Variants in CTDSPL observed in about 807,000 individuals in gnomAD.
CTDSPL encodes CTD small phosphatase-like protein.
CTDSPL carries 8 observed loss-of-function variants against 30.5 expected under a neutral mutation model. The observed-to-expected ratio is 0.26, with a 90% confidence interval of 0.15 to 0.47. The LOEUF is 0.47. CTDSPL is among the 20% of genes least tolerant of loss of function. The probability of loss-of-function intolerance (pLI) is 0.99; values close to 1 mark genes in which losing one functional copy is unlikely to be tolerated. For synonymous variants in CTDSPL, 110 were observed against 137.9 expected (o/e 0.80, Z 1.42); for missense variants, 248 against 366.1 (o/e 0.68, Z 2.63).
At chr3:37,949,225 A>C (rs1699080749) in intron 2 of CTDSPL, among the ~76,000 whole-genome samples, 7 of 152,228 alleles carry the variant, frequency 4.6e-5, no homozygotes, top group Admixed American at 4.6e-4. Flanking sequence ...TGCTGGTAAC[A>C]ATGTTAATTG....
At position 37,982,991 on chromosome 3, in the gene CTDSPL, T is replaced by A. The variant is rs2125638360; in HGVS notation, c.*2124T>A. ...AAGAGGATGGAAATCATAAAATATT[T>A]CATGGGAATCGAACCTAGGGATAGT... is the stretch of plus-strand genomic sequence containing the variant. On this transcript the variant is annotated 3_prime_UTR_variant, in exon 8 of 8. Transcript: ENST00000273179. 1 of 215,350 alleles carries A rather than the reference T, an allele frequency of 4.6e-6. No homozygotes were observed. The highest frequency in any genetic ancestry group is 6.1e-5 in the South Asian group (1 of 16,434). The allele number at this position is 215,350 out of a possible 1,614,324, so 13.3% of individuals were successfully genotyped here.
At chr3:37,979,711 A>G (rs1169853090) in intron 7 of CTDSPL, among the ~76,000 whole-genome samples, 1 of 152,200 alleles carries the variant, frequency 6.6e-6, no homozygotes, top group East Asian at 1.9e-4. Context: ...CTACAGAGCT[A>G]TGATTGCCAC....
At chr3:37,863,847 A>G (rs568877992) in intron 1 of CTDSPL, among the ~76,000 whole-genome samples, 1 of 152,318 alleles carries the variant, frequency 6.6e-6, no homozygotes, top group South Asian at 2.1e-4. Context: ...CAAACATTGT[A>G]TGTGTCTGCA....
intron 1 of CTDSPL, among the ~76,000 whole-genome samples, chr3:37,867,201 G>T (rs1229383903): frequency 6.6e-6 from 1 of 152,008 alleles, no homozygotes. Flanking sequence ...TATCTAAATG[G>T]AATCAAACAG....
intron 1 of CTDSPL, among the ~76,000 whole-genome samples, chr3:37,867,610 C>T (rs1394236157): frequency 6.6e-6 from 1 of 152,208 alleles, no homozygotes; most frequent in Non-Finnish European, 1.5e-5. Context: ...TCTGCATCCT[C>T]ACCAGCATTT....
At chr3:37,917,784 G>A (rs746980420) in intron 1 of CTDSPL, among the ~76,000 whole-genome samples, 7 of 152,202 alleles carry the variant, frequency 4.6e-5, no homozygotes, top group South Asian at 4.2e-4. Context: ...CAGGCACTGC[G>A]GATATGAGCA....
chr3:37,980,889 C>G lies in CTDSPL; in HGVS notation c.*22C>G. ...GTAGCCCTGGCCTCTGCCTGCCTCC[C>G]GCCTGTGCACTCTGGAACCTCTGGC... is the stretch of plus-strand genomic sequence containing the variant. On this transcript the variant is annotated 3_prime_UTR_variant, in exon 8 of 8. Coordinates refer to ENST00000273179, the MANE Select transcript of CTDSPL (RefSeq NM_001008392.2). The G allele has an allele frequency of 6.2e-7, 1 of 1,609,798 alleles. No homozygotes were observed. Among genetic ancestry groups the G allele is most frequent in the Admixed American group, 1.7e-5 (1 of 59,796 alleles).
intron 1 of CTDSPL, among the ~76,000 whole-genome samples, chr3:37,879,192 G>A (rs75429713): frequency 1.3e-3 from 203 of 152,362 alleles, no homozygotes; most frequent in Non-Finnish European, 2.0e-3. Flanking sequence ...CATTCAGGAA[G>A]TATAACCCAG....
At chr3:37,970,549 A>G (rs1211900731) in intron 5 of CTDSPL, among the ~76,000 whole-genome samples, 1 of 152,002 alleles carries the variant, frequency 6.6e-6, no homozygotes, top group African/African-American at 2.4e-5. Context: ...CCCTCCTCCC[A>G]CTTCCTCTGT....
At chr3:37,891,280 T>C (rs1282671624) in intron 1 of CTDSPL, among the ~76,000 whole-genome samples, 1 of 152,170 alleles carries the variant, frequency 6.6e-6, no homozygotes, top group East Asian at 1.9e-4. Context: ...GATTAATCCA[T>C]GTCTGGGCTC....
At chr3:37,935,881 G>A (rs1285867588) in intron 1 of CTDSPL, among the ~76,000 whole-genome samples, 3 of 152,206 alleles carry the variant, frequency 2.0e-5, no homozygotes, top group Admixed American at 1.3e-4. Flanking sequence ...GAGTCAGGTT[G>A]TTCTGGCTTT....
At chr3:37,910,338 G>A (rs1481194238) in intron 1 of CTDSPL, among the ~76,000 whole-genome samples, 2 of 151,984 alleles carry the variant, frequency 1.3e-5, no homozygotes, top group Non-Finnish European at 2.9e-5. Flanking sequence ...AAAATCAGCC[G>A]GGCATGGTAG....
rs985715204 is a variant in CTDSPL, at chr3:37,971,430, T to C, written c.450T>C (p.His150=). The part of the protein sequence containing the change: ...IHQVYVLKRP[H]VDEFLQRMGQ... Reference sequence around the variant, plus strand: ...AGGTGTATGTGCTGAAGCGGCCACATGTGGACGAGTTCCTCCAGAGGATGG... The same window carrying C: ...AGGTGTATGTGCTGAAGCGGCCACACGTGGACGAGTTCCTCCAGAGGATGG... The change falls in exon 6 of 8, where the codon CAT becomes CAC. Residue 150 remains histidine, a synonymous_variant. Transcript: ENST00000273179. 1 of 1,614,164 alleles carries C rather than the reference T, an allele frequency of 6.2e-7. No individual in the cohort carries two copies. The highest frequency in any genetic ancestry group is 8.5e-7 in the Non-Finnish European group (1 of 1,180,030).
At chr3:37,955,546 A>G (rs1699161818) in intron 2 of CTDSPL, among the ~76,000 whole-genome samples, 1 of 152,214 alleles carries the variant, frequency 6.6e-6, no homozygotes, top group African/African-American at 2.4e-5. Flanking sequence ...TTGCAGCAAC[A>G]TGGTTGGAGC....
Position 37,862,353 on chromosome 3 carries a change from C to A in CTDSPL, c.79+75C>A. On this transcript the variant is annotated intron_variant, in intron 1 of 7. Coordinates refer to ENST00000273179, the MANE Select transcript of CTDSPL (RefSeq NM_001008392.2). This position sits in a 1 kb window ranked among gnomAD's most constrained non-coding sequence, Gnocchi z 4.3. ...CGCCGCTGGAGTTCACTGCCGGGCG[C>A]CGGCATGGGCCTGGGGGAGGGGTGC... 7.8e-7 allele frequency: 1 copy of A among 1,282,252 alleles called. No homozygotes were observed. The highest frequency in any genetic ancestry group is 3.2e-5 in the East Asian group (1 of 31,260). 79.4% of individuals were successfully genotyped at this position (1,282,252 alleles called of 1,614,324 possible). A position where few individuals can be genotyped will look rare whatever the true frequency, so the allele number is the denominator to read the frequency against.
At chr3:37,933,092 G>T (rs1241728049) in intron 1 of CTDSPL, among the ~76,000 whole-genome samples, 1 of 150,800 alleles carries the variant, frequency 6.6e-6, no homozygotes, top group Non-Finnish European at 1.5e-5. Flanking sequence ...GGTGGAGGTT[G>T]TGGTGAGTCA....
intron 1 of CTDSPL, among the ~76,000 whole-genome samples, chr3:37,907,729 CTA>C (rs1698534582): frequency 6.6e-6 from 1 of 152,082 alleles, no homozygotes; most frequent in Non-Finnish European, 1.5e-5. Context: ...ACTAATATTT[CTA>C]TAAGTTAAAA....
intron 1 of CTDSPL, among the ~76,000 whole-genome samples, chr3:37,899,958 G>C (rs1015109044): frequency 6.6e-6 from 1 of 152,156 alleles, no homozygotes; most frequent in African/African-American, 2.4e-5. Flanking sequence ...TTAAAAGCTT[G>C]GATCAGTGGG....
intron 5 of CTDSPL, chr3:37,968,215 G>A (rs1208926047): frequency 1.1e-5 from 5 of 461,702 alleles, no homozygotes; most frequent in South Asian, 8.1e-5. Flanking sequence ...TACTCTCCTA[G>A]CAGGCAACAG....
Sources: gnomAD v4.1 joint callset for allele counts (sites outside exome capture counted in the v4.1 genomes callset) on GRCh38, gnomAD v4.1.1 for gene constraint, Gnocchi (gnomAD v3.1) non-coding constraint, MANE v1.5 for transcripts, NCBI Gene and HGNC (gene_info 2026-07-23, HGNC 2026-07-21) for gene names.